Variants in CALD1 observed in about 807,000 individuals in gnomAD.
CALD1 encodes the protein caldesmon 1, also known as caldesmon.
CALD1 carries 33 observed loss-of-function variants against 99.9 expected under a neutral mutation model. The observed-to-expected ratio is 0.33, with a 90% CI of 0.25 to 0.44. The LOEUF is 0.44. Ranked by LOEUF, CALD1 falls within the 20% of genes least tolerant of loss-of-function variation. The pLI, the probability that CALD1 is intolerant of heterozygous loss-of-function variation, is 1.00. For synonymous variants in CALD1, 310 were observed against 325.0 expected (o/e 0.95, Z 0.50); for missense variants, 861 against 962.1 (o/e 0.89, Z 1.39).
At chr7:134,928,216 G>A (rs1319104053) in intron 3 of CALD1, 1 of 160,960 alleles carries the variant, frequency 6.2e-6, no homozygotes, top group African/African-American at 2.4e-5. Context: ...CGGATCATGA[G>A]GTCAGGAGTT....
intron 9 of CALD1, among the ~76,000 whole-genome samples, chr7:134,955,289 G>A (rs1347614540): frequency 1.3e-5 from 2 of 152,198 alleles, no homozygotes; most frequent in Non-Finnish European, 2.9e-5. Flanking sequence ...ACTCGACGCT[G>A]AGGCAGAAGA....
In CALD1 at chr7:134,960,237, G is replaced by A. The variant is rs947063341; in HGVS notation, c.2199+126G>A. On this transcript the variant is annotated intron_variant, in intron 12 of 14. Coordinates refer to ENST00000361675, the MANE Select transcript of CALD1 (RefSeq NM_033138.4). Reference sequence around the variant, plus strand: ...GAAGGTGCAATTTGTACTTTGTTTTGCAATGACCACAAAAGCAAGCTCAGA... The same window carrying A: ...GAAGGTGCAATTTGTACTTTGTTTTACAATGACCACAAAAGCAAGCTCAGA... The A allele has an allele frequency of 1.2e-5, 14 of 1,124,290 alleles. No individual in the cohort carries two copies. In the African/African-American group the frequency reaches 1.9e-4, roughly 15 times the overall value. The allele number at this position is 1,124,290 out of a possible 1,614,324, so 69.6% of individuals were successfully genotyped here.
intron 1 of CALD1, among the ~76,000 whole-genome samples, chr7:134,798,875 A>T (rs1042053367): frequency 1.3e-5 from 2 of 152,180 alleles, no homozygotes; most frequent in African/African-American, 4.8e-5. Flanking sequence ...TATGGTGGAA[A>T]GGCTGGACTA....
intron 1 of CALD1, among the ~76,000 whole-genome samples, chr7:134,821,581 G>A (rs946912263): frequency 5.5e-5 from 8 of 144,404 alleles, no homozygotes; most frequent in African/African-American, 1.8e-4. Flanking sequence ...AAGAGTCAAC[G>A]ACATTTTTTT....
rs552200974 is a variant in CALD1 at position 134,822,166 on chromosome 7, T to C, written c.-129-21718T>C. ...CAGTGCCAACCCTTGGACAGGTCTA[T>C]ATTATCTTGGGCACGAGACTGCTTG... On this transcript the variant is annotated intron_variant, in intron 1 of 14. Transcript: ENST00000361675. The C allele has an allele frequency of 6.6e-5, 10 of 152,298 alleles. No individual in the cohort carries two copies. The South Asian group carries it at 1.9e-3, about 28-fold the overall frequency. 9.4% of individuals were successfully genotyped at this position (152,298 alleles called of 1,614,324 possible).
chr7:134,920,234 T>A (rs1804511601), intron 3 of CALD1, among the ~76,000 whole-genome samples: 1 of 151,952 alleles, frequency 6.6e-6, no homozygotes, highest in Non-Finnish European at 1.5e-5. Flanking sequence ...TGGATATGTT[T>A]GGAGAATGTG....
intron 1 of CALD1, among the ~76,000 whole-genome samples, chr7:134,756,286 A>C (rs1353729834): frequency 6.7e-6 from 1 of 150,224 alleles, no homozygotes; most frequent in Non-Finnish European, 1.5e-5. Flanking sequence ...AAAAAAAAAA[A>C]AAAAACTAAA....
chr7:134,730,666 A>G, the CALD1 span, among the ~76,000 whole-genome samples: 1 of 152,244 alleles, frequency 6.6e-6, no homozygotes, highest in Admixed American at 6.5e-5. Context: ...CTCATCTTTT[A>G]GAATAAAAAA....
chr7:134,853,933 A>G (rs1800189649), intron 2 of CALD1, among the ~76,000 whole-genome samples: 1 of 132,764 alleles, frequency 7.5e-6, no homozygotes, highest in African/African-American at 2.9e-5. Context: ...TCATTGTTCA[A>G]CTTCCAATTA....
chr7:134,759,897 G>A (rs1167173841), intron 1 of CALD1, among the ~76,000 whole-genome samples: 1 of 152,224 alleles, frequency 6.6e-6, no homozygotes, highest in Non-Finnish European at 1.5e-5. Flanking sequence ...ATAACTCAAG[G>A]TGGGCGATAA....
chr7:134,906,255 AC>A, intron 3 of CALD1, among the ~76,000 whole-genome samples: 1 of 152,024 alleles, frequency 6.6e-6, no homozygotes, highest in South Asian at 2.1e-4. Flanking sequence ...TTAAGTTCTA[AC>A]CCCTGTCCTG....
intron 1 of CALD1, among the ~76,000 whole-genome samples, chr7:134,796,602 G>A (rs531950447): frequency 8.6e-5 from 13 of 151,932 alleles, no homozygotes; most frequent in Non-Finnish European, 1.6e-4. Context: ...TTTTCTTAGA[G>A]ATAGATAGAG....
intron 13 of CALD1, among the ~76,000 whole-genome samples, chr7:134,963,418 A>C (rs939954368): frequency 1.1e-4 from 17 of 152,176 alleles, no homozygotes; most frequent in Admixed American, 9.2e-4. Context: ...TTAACTGTGC[A>C]TTTTCAGTGT....
chr7:134,809,549 T>C (rs1379413769), intron 1 of CALD1: 1 of 152,254 alleles, frequency 6.6e-6, no homozygotes, highest in Non-Finnish European at 1.5e-5. Context: ...AAGTTTTAAC[T>C]AAGCTGATAT....
At chr7:134,849,648 A>C (rs953161201) in intron 2 of CALD1, among the ~76,000 whole-genome samples, 2 of 152,090 alleles carry the variant, frequency 1.3e-5, no homozygotes. Context: ...GGTTGATTGA[A>C]TCTATGGATG....
At chr7:134,769,432 T>C (rs1456816904) in intron 1 of CALD1, among the ~76,000 whole-genome samples, 1 of 152,230 alleles carries the variant, frequency 6.6e-6, no homozygotes, top group African/African-American at 2.4e-5. Context: ...TAAACTTTTT[T>C]TTTCTTTACC....
chr7:134,866,876 A>C (rs1800824042), intron 2 of CALD1: 1 of 152,214 alleles, frequency 6.6e-6, no homozygotes, highest in Non-Finnish European at 1.5e-5. Flanking sequence ...GCAAGGACAA[A>C]AAGAGCCCGC....
chr7:134,749,614 G>T (rs1796667976), intron 1 of CALD1, among the ~76,000 whole-genome samples: 1 of 152,100 alleles, frequency 6.6e-6, no homozygotes, highest in Admixed American at 6.6e-5. Context: ...AAAAAGCAAG[G>T]CCAGAAGAGT....
chr7:134,957,565 G>A (rs1353971842), intron 9 of CALD1, among the ~76,000 whole-genome samples: 5 of 152,000 alleles, frequency 3.3e-5, no homozygotes, highest in African/African-American at 4.8e-5. Flanking sequence ...GGCTACAGGC[G>A]CGTGTCACCA....
Sources: allele counts gnomAD v4.1 joint callset (sites outside exome capture counted in the v4.1 genomes callset), GRCh38; gene constraint gnomAD v4.1.1; transcripts MANE v1.5; gene names NCBI Gene and HGNC (gene_info 2026-07-23, HGNC 2026-07-21).